The following ARHGEF10 variants were observed in gnomAD, a reference collection of about 807,000 sequenced individuals.
The protein encoded by ARHGEF10 is Rho guanine nucleotide exchange factor (GEF) 10.
In ARHGEF10, 140 loss-of-function variants were observed where a neutral mutation model predicts 147.4. The observed-to-expected ratio is 0.95, with a 90% CI of 0.83 to 1.09. The LOEUF is 1.09. Ranked by LOEUF, ARHGEF10 falls within the 50% of genes least tolerant of loss-of-function variation. The pLI is 0.00. For synonymous variants in ARHGEF10, 902 were observed against 695.8 expected (o/e 1.30, Z -4.67); for missense variants, 2,222 against 1,752.7 (o/e 1.27, Z -4.78).
chr8:1,857,814 T>C lies in ARHGEF10; in HGVS notation c.38-146T>C, dbSNP rs17756499. On this transcript the variant is annotated intron_variant, in intron 2 of 28. Transcript: ENST00000349830. The stretch of plus-strand genomic sequence containing the variant: ...ATACTTATTTTGCCCCTTAAAAAGG[T>C]TAACTACAAGCGCAGTACAGCACAG... 17,543 of 716,576 alleles carry C rather than the reference T, an allele frequency of 0.024. 1,458 individuals carry two copies. The highest frequency in any genetic ancestry group is 0.19 in the African/African-American group (10,698 of 55,864). 44.4% of individuals were successfully genotyped at this position (716,576 alleles called of 1,614,324 possible). A position where few individuals can be genotyped will look rare whatever the true frequency, so the allele number is the denominator to read the frequency against.
chr8:1,902,185 C>T (rs1167786872), intron 15 of ARHGEF10, among the ~76,000 whole-genome samples: 2 of 152,058 alleles, frequency 1.3e-5, no homozygotes, highest in South Asian at 2.1e-4. Context: ...GTGTGTGATG[C>T]GCCCCTCCCT....
rs1373504102 is a variant in ARHGEF10 at position 1,860,025 on chromosome 8, C to T, written c.322C>T (p.Pro108Ser). ...ATTCCAGGAGGACCAGCCGCCCACC[C>T]CCGTGCCCAGCGCTGAGGAGGAGAA... ...TPFQEDQPPT[P>S]VPSAEEENVG... Residue 108 changes from proline (P) to serine (S), a missense_variant, in exon 4 of 29, where the codon CCC becomes TCC. Pro to Ser is a moderately conservative substitution (Grantham distance 74). Coordinates refer to ENST00000349830, the MANE Select transcript of ARHGEF10 (RefSeq NM_014629.4). 6.2e-7 allele frequency: 1 copy of T among 1,614,128 alleles called. No individual in the cohort carries two copies. The highest frequency in any genetic ancestry group is 8.5e-7 in the Non-Finnish European group (1 of 1,180,006).
chr8:1,908,173 T>A (rs1051346201), intron 17 of ARHGEF10, among the ~76,000 whole-genome samples: 3 of 151,140 alleles, frequency 2.0e-5, no homozygotes, highest in Non-Finnish European at 4.4e-5. Context: ...GCCAGTCAGG[T>A]GCTCAGTCCA....
At chr8:1,869,275 T>C in intron 7 of ARHGEF10, 25 bp downstream of exon 7, 1 of 1,606,662 alleles carries the variant, frequency 6.2e-7, no homozygotes, top group Non-Finnish European at 8.5e-7. Context: ...GGAATTGATT[T>C]GAGGAGATTC....
At position 1,948,998 on chromosome 8, in the gene ARHGEF10, C is replaced by T. The variant is rs993375771; in HGVS notation, c.3397+3343C>T. Among the ~76,000 whole-genome samples, 2 of 147,998 alleles carry T rather than the reference C, an allele frequency of 1.4e-5. No homozygotes were observed. The highest frequency in any genetic ancestry group is 2.0e-4 in the East Asian group (1 of 4,944). On this transcript the variant is annotated intron_variant, in intron 27 of 28. Coordinates refer to ENST00000349830, the MANE Select transcript of ARHGEF10 (RefSeq NM_014629.4). This position sits in a 1 kb window ranked among gnomAD's most constrained non-coding sequence, Gnocchi z 4.9. ...CTTCATTCTAGAGTTGTATTCATGA[C>T]GATGCTCAAATGGGTTTTCATGTGT...
chr8:1,894,996 G>C (rs952170707), intron 13 of ARHGEF10, among the ~76,000 whole-genome samples: 1 of 152,178 alleles, frequency 6.6e-6, no homozygotes, highest in African/African-American at 2.4e-5. Flanking sequence ...AGAATTATCT[G>C]TGCCTGGGAA....
chr8:1,938,906 T>A (rs1813844701), intron 26 of ARHGEF10, among the ~76,000 whole-genome samples: 1 of 145,386 alleles, frequency 6.9e-6, no homozygotes, highest in Non-Finnish European at 1.5e-5. Flanking sequence ...CACTGTGGAA[T>A]CCCAGTCCCC....
intron 1 of ARHGEF10, among the ~76,000 whole-genome samples, chr8:1,826,980 TG>T (rs1802808304): frequency 6.6e-6 from 1 of 151,958 alleles, no homozygotes. Context: ...AGCTCTGCAG[TG>T]GAAAGGGGTG....
Position 1,957,576 on chromosome 8 carries a change from T to A in ARHGEF10, c.*313T>A, listed in dbSNP as rs144903783. 176 of 432,262 alleles carry A rather than the reference T, an allele frequency of 4.1e-4. 1 individual carries two copies. Among genetic ancestry groups the A allele is most frequent in the African/African-American group, 3.1e-3 (158 of 50,336 alleles). 26.8% of individuals were successfully genotyped at this position (432,262 alleles called of 1,614,324 possible). Reference sequence around the variant, plus strand: ...GTAGTCCATATGTGAATACTAAATGTTAAACTTCATCAGCGTCAGACCTAT... The same window carrying A: ...GTAGTCCATATGTGAATACTAAATGATAAACTTCATCAGCGTCAGACCTAT... On this transcript the variant is annotated 3_prime_UTR_variant, in exon 29 of 29. Coordinates refer to ENST00000349830, the MANE Select transcript of ARHGEF10 (RefSeq NM_014629.4).
chr8:1,880,922 C>T (rs1031618372), intron 9 of ARHGEF10, among the ~76,000 whole-genome samples: 2 of 152,196 alleles, frequency 1.3e-5, no homozygotes, highest in South Asian at 2.1e-4. Flanking sequence ...CAGCCACAGC[C>T]GCCCCCTGGG....
At chr8:1,891,035 G>T (rs189323154) in intron 11 of ARHGEF10, among the ~76,000 whole-genome samples, 1 of 152,130 alleles carries the variant, frequency 6.6e-6, no homozygotes, top group South Asian at 2.1e-4. Flanking sequence ...TTTCTTTGAA[G>T]GGTGGATTTT....
chr8:1,927,171 T>C (rs1485596309), intron 23 of ARHGEF10: 4 of 155,038 alleles, frequency 2.6e-5, no homozygotes, highest in African/African-American at 7.2e-5. Context: ...TACCAACCTA[T>C]GAATGGAGGA....
chr8:1,882,590 G>T, intron 9 of ARHGEF10, 45 bp from the exon 10 acceptor site: 1 of 1,470,294 alleles, frequency 6.8e-7, no homozygotes, highest in African/African-American at 1.4e-5. Flanking sequence ...AGTCGCAGGT[G>T]GGTTCTGCCG....
At chr8:1,922,736 G>T (rs1291197614) in intron 18 of ARHGEF10, among the ~76,000 whole-genome samples, 4 of 152,160 alleles carry the variant, frequency 2.6e-5, no homozygotes, top group Non-Finnish European at 4.4e-5. Flanking sequence ...CCAGGCCTGG[G>T]CATTCAGGAG....
chr8:1,886,615 G>T (rs1808679820), intron 11 of ARHGEF10, among the ~76,000 whole-genome samples: 1 of 152,228 alleles, frequency 6.6e-6, no homozygotes, highest in Non-Finnish European at 1.5e-5. Context: ...CGAGTGACGG[G>T]ATGGAGTGTC....
chr8:1,860,456 CCCT>C (rs1280069477), intron 4 of ARHGEF10, among the ~76,000 whole-genome samples: 13 of 139,394 alleles, frequency 9.3e-5, no homozygotes, highest in Admixed American at 4.2e-4. Context: ...GCCTGACCTT[CCCT>C]CCTCCTCCTC....
intron 2 of ARHGEF10, among the ~76,000 whole-genome samples, chr8:1,847,313 G>A (rs1804635324): frequency 6.6e-6 from 1 of 152,210 alleles, no homozygotes; most frequent in Admixed American, 6.5e-5. Flanking sequence ...TAGCATTTAT[G>A]AAGTACTTAG....
upstream of ARHGEF10, among the ~76,000 whole-genome samples, chr8:1,823,776 G>C (rs1375971709): frequency 6.6e-6 from 1 of 151,814 alleles, no homozygotes; most frequent in Non-Finnish European, 1.5e-5. Flanking sequence ...GCGGGAGGGG[G>C]CGCGGGCGGC....
chr8:1,895,059 CCTTGG>C (rs900241499), intron 13 of ARHGEF10, among the ~76,000 whole-genome samples: 5 of 152,274 alleles, frequency 3.3e-5, no homozygotes, highest in African/African-American at 1.2e-4. Flanking sequence ...AAACTTTTGC[CCTTGG>C]CTGTAGCTTC....
Sources: gnomAD v4.1 joint callset for allele counts (sites outside exome capture counted in the v4.1 genomes callset) on GRCh38, gnomAD v4.1.1 for gene constraint, Gnocchi (gnomAD v3.1) non-coding constraint, MANE v1.5 for transcripts, NCBI Gene and HGNC (gene_info 2026-07-23, HGNC 2026-07-21) for gene names.